The following LRP3 variants were observed in gnomAD, a reference collection of about 807,000 sequenced individuals.
The protein encoded by LRP3 is LDL receptor related protein 3.
In LRP3, 49 loss-of-function variants were observed where a neutral mutation model predicts 58.5. The observed-to-expected ratio is 0.84, with a 90% confidence interval of 0.67 to 1.06. LRP3 has a LOEUF of 1.06. Among genes scored for constraint, LRP3 ranks in the 50% least tolerant of loss-of-function variants. LRP3 has a pLI of 0.00. For missense variants in LRP3, 1,019 were observed against 1,134.2 expected (o/e 0.90, Z 1.46); for synonymous variants, 485 against 492.2 (o/e 0.99, Z 0.20).
rs777687602 is a variant in LRP3, at chr19:33,206,152, A to G, written c.1382A>G (p.His461Arg). 1.9e-6 allele frequency: 3 copies of G among 1,605,942 alleles called. No homozygotes were observed. Among genetic ancestry groups the G allele is most frequent in the East Asian group, 4.5e-5 (2 of 44,722 alleles). ...TTCTCCTGCCAGCCCGGCACCTTCCACTGCGGTACCAACCTGTGCATCTTC... is the reference window on the plus strand; with the variant it reads ...TTCTCCTGCCAGCCCGGCACCTTCCGCTGCGGTACCAACCTGTGCATCTTC... ...NCFSCQPGTF[H>R]CGTNLCIFET... Residue 461 changes from histidine to arginine, a missense_variant, in exon 5 of 7, where the codon CAC (histidine) becomes CGC (arginine). Physicochemically the swap from His to Arg is conservative, Grantham distance 29. Transcript: ENST00000253193.
chr19:33,208,801 G>GA lies in LRP3; in HGVS notation c.*1233dup, dbSNP rs1204562041. 4.5e-6 allele frequency: 7 copies of GA among 1,566,088 alleles called. No individual in the cohort carries two copies. The East Asian group carries it at 1.3e-4, about 30-fold the overall frequency. ...TCGTATCTTTTTTCTTTTTTTTCCA[G>GA]AAAAAAACAAAACAAAACTTTTTTG... On this transcript the variant is annotated 3_prime_UTR_variant, in exon 7 of 7. Coordinates refer to ENST00000253193, the MANE Select transcript of LRP3 (RefSeq NM_002333.4). The surrounding 1 kb of genome is among the most constrained non-coding windows in gnomAD (Gnocchi z 4.7).
intron 2 of LRP3, among the ~76,000 whole-genome samples, chr19:33,201,375 A>G (rs546429276): frequency 6.6e-6 from 1 of 152,168 alleles, no homozygotes; most frequent in South Asian, 2.1e-4. Flanking sequence ...CTCCAGGGCA[A>G]AGTCCCCTCC....
Position 33,204,803 on chromosome 19 carries a change from C to T in LRP3, c.426C>T (p.Asp142=), listed in dbSNP as rs757627358. ...RDHVWIFFHS[D]ASSSGQAQGF... is the part of the protein sequence containing the mutation. ...ATGTCTGGATTTTCTTCCACTCAGA[C>T]GCCTCCAGCTCCGGCCAGGCCCAGG... Residue 142 remains aspartate (D), a synonymous_variant, in exon 4 of 7, where the codon GAC becomes GAT. Coordinates refer to ENST00000253193, the MANE Select transcript of LRP3 (RefSeq NM_002333.4). 19 of 1,613,518 alleles carry T rather than the reference C, an allele frequency of 1.2e-5. No homozygotes were observed. The highest frequency in any genetic ancestry group is 6.7e-5 in the Admixed American group (4 of 60,006).
intron 4 of LRP3, 145 bp from the exon 5 acceptor site, chr19:33,205,101 A>T: frequency 1.1e-6 from 1 of 941,432 alleles, no homozygotes; most frequent in Non-Finnish European, 1.6e-6. Flanking sequence ...GGCTCAGGTC[A>T]GGGACAGAGC....
rs1340611015 is a variant in LRP3, at chr19:33,205,704, G to A, written c.934G>A (p.Glu312Lys). 9.3e-6 allele frequency: 15 copies of A among 1,604,680 alleles called. No homozygotes were observed. Among genetic ancestry groups the A allele is most frequent in the Non-Finnish European group, 1.3e-5 (15 of 1,178,896 alleles). ...LGYDDYVQVY[E>K]GLGERGDRLL... is the part of the protein sequence containing the mutation. ...CTATGACGACTACGTGCAGGTATACGAGGGCCTGGGCGAGCGCGGGGACCG... is the reference window on the plus strand; with the variant it reads ...CTATGACGACTACGTGCAGGTATACAAGGGCCTGGGCGAGCGCGGGGACCG... The change falls in exon 5 of 7, where the codon GAG becomes AAG. Residue 312 changes from glutamate (E) to lysine (K), a missense_variant. Coordinates refer to ENST00000253193, the MANE Select transcript of LRP3 (RefSeq NM_002333.4).
rs755444758 is a variant in LRP3, at chr19:33,205,645, G to A, written c.875G>A (p.Arg292Gln). Residue 292 changes from arginine (R) to glutamine (Q), a missense_variant, in exon 5 of 7, where the codon CGG becomes CAG. Physicochemically the swap from Arg to Gln is conservative, Grantham distance 43 (BLOSUM62 1). Coordinates refer to ENST00000253193, the MANE Select transcript of LRP3 (RefSeq NM_002333.4). The stretch of plus-strand genomic sequence containing the variant: ...TGGCTGGTGGACACACAGGACTCCC[G>A]GCGGGTGCTGCTGCAGCTGGAACTG... Reference protein sequence around the residue: ...CTWLVDTQDSRRVLLQLELRL... With the variant: ...CTWLVDTQDSQRVLLQLELRL... 23 of 1,610,090 alleles carry A rather than the reference G, an allele frequency of 1.4e-5. No individual in the cohort carries two copies. The highest frequency in any genetic ancestry group is 1.9e-5 in the Non-Finnish European group (22 of 1,179,434).
intron 3 of LRP3, chr19:33,204,064 T>C (rs1974372314): frequency 1.3e-5 from 2 of 153,882 alleles, no homozygotes; most frequent in Admixed American, 1.3e-4. Context: ...GTGATGGGCA[T>C]GGGCAGGGTC....
rs138826277 is a variant in LRP3, at chr19:33,208,743, A to T, written c.*1168A>T. The T allele has an allele frequency of 1.2e-3, 1,177 of 999,010 alleles. 13 individuals carry two copies. In the African/African-American group the frequency reaches 0.022, roughly 18 times the overall value. 61.9% of individuals were successfully genotyped at this position (999,010 alleles called of 1,614,324 possible). On this transcript the variant is annotated 3_prime_UTR_variant, in exon 7 of 7. Coordinates refer to ENST00000253193, the MANE Select transcript of LRP3 (RefSeq NM_002333.4). The surrounding 1 kb of genome is among the most constrained non-coding windows in gnomAD (Gnocchi z 4.7). ...TGCTAAGACAGGAAACCCAGTCCAC[A>T]TTTTAGGGCTTCCTTAAACAGGCTT...
rs1186946000 is a variant in LRP3, at chr19:33,207,316, C to T, written c.2054C>T (p.Pro685Leu). 7.6e-6 allele frequency: 12 copies of T among 1,572,226 alleles called. No homozygotes were observed. The highest frequency in any genetic ancestry group is 1.1e-5 in the South Asian group (1 of 86,998). The change falls in exon 7 of 7, where the codon CCC becomes CTC. Residue 685 changes from proline to leucine, a missense_variant. This residue lies in a region of LRP3 where 427 missense variants were observed against 408.6 expected (regional missense o/e 1.04). Coordinates refer to ENST00000253193, the MANE Select transcript of LRP3 (RefSeq NM_002333.4). ...PEVGPSGPPL[P>L]SGLRDPECRP... ...GTGGGACCTTCAGGGCCACCCTTGC[C>T]CTCGGGCCTGCGAGACCCAGAGTGC...
In LRP3 at chr19:33,194,832, G is replaced by T. The variant is rs1178475812; in HGVS notation, c.47G>T (p.Arg16Leu). ...AAGLEGAPGA[R>L]AQLAVVCLVN... ...GGGCTGGAGGGCGCGCCGGGCGCCCGGGCGCAGCTGGCCGTCGTCTGTCTG... is the reference window on the plus strand; with the variant it reads ...GGGCTGGAGGGCGCGCCGGGCGCCCTGGCGCAGCTGGCCGTCGTCTGTCTG... The change falls in exon 1 of 7, where the codon CGG becomes CTG. Residue 16 changes from arginine to leucine, a missense_variant. Coordinates refer to ENST00000253193, the MANE Select transcript of LRP3 (RefSeq NM_002333.4). The T allele has an allele frequency of 1.9e-6, 2 of 1,063,458 alleles. No individual in the cohort carries two copies. The highest frequency in any genetic ancestry group is 1.7e-5 in the African/African-American group (1 of 58,388). The allele number at this position is 1,063,458 out of a possible 1,614,324, so 65.9% of individuals were successfully genotyped here. A position where few individuals can be genotyped will look rare whatever the true frequency, so the allele number is the denominator to read the frequency against.
At chr19:33,194,926 G>A (rs1193977240) in intron 1 of LRP3, 68 bp downstream of exon 1, 2 of 854,878 alleles carry the variant, frequency 2.3e-6, no homozygotes, top group Non-Finnish European at 1.5e-6. Flanking sequence ...CGCCCTGACC[G>A]ACCTCCTCTC....
At chr19:33,203,113 G>A (rs1974359458) in intron 3 of LRP3, 127 bp downstream of exon 3, 1 of 1,166,024 alleles carries the variant, frequency 8.6e-7, no homozygotes, top group Non-Finnish European at 1.2e-6. Context: ...GTGAGCAGGT[G>A]TGGGATCATG....
rs140475298 is a variant in LRP3, at chr19:33,208,819, C to T, written c.*1244C>T. On this transcript the variant is annotated 3_prime_UTR_variant, in exon 7 of 7. Coordinates refer to ENST00000253193, the MANE Select transcript of LRP3 (RefSeq NM_002333.4). This position sits in a 1 kb window ranked among gnomAD's most constrained non-coding sequence, Gnocchi z 4.7. The stretch of plus-strand genomic sequence containing the variant: ...TTTTCCAGAAAAAAACAAAACAAAA[C>T]TTTTTTGCCAAAACACCTCCTCAAT... The T allele has an allele frequency of 8.6e-4, 1,361 of 1,574,584 alleles. 8 individuals carry two copies. The African/African-American group carries it at 0.016, about 18-fold the overall frequency.
At chr19:33,206,506 G>C in intron 5 of LRP3, 95 bp from the exon 6 acceptor site, 6 of 1,588,676 alleles carry the variant, frequency 3.8e-6, no homozygotes, top group Non-Finnish European at 4.3e-6. Flanking sequence ...ATATCTTGGG[G>C]TGTCTGGGTG....
chr19:33,208,808 AC>A lies in LRP3; in HGVS notation c.*1234del, dbSNP rs1197334613. On this transcript the variant is annotated 3_prime_UTR_variant, in exon 7 of 7. Transcript: ENST00000253193. This position sits in a 1 kb window ranked among gnomAD's most constrained non-coding sequence, Gnocchi z 4.7. ...TTTTTTCTTTTTTTTCCAGAAAAAA[AC>A]AAAACAAAACTTTTTTGCCAAAACA... The A allele has an allele frequency of 1.7e-5, 27 of 1,590,308 alleles. No homozygotes were observed. In the African/African-American group the frequency reaches 3.1e-4, roughly 18 times the overall value.
Position 33,199,350 on chromosome 19 carries a change from T to C in LRP3, c.121+2573T>C, listed in dbSNP as rs565663159. The stretch of plus-strand genomic sequence containing the variant: ...TAGGCTGGGCATGGTGGGGCACACC[T>C]GTAGTCTCAGCACTTTGGGAGGCTG... On this transcript the variant is annotated intron_variant, in intron 2 of 6. Transcript: ENST00000253193. 2.6e-5 allele frequency among the ~76,000 whole-genome samples: 4 copies of C among 152,094 alleles called. No individual in the cohort carries two copies. In the South Asian group the frequency reaches 6.2e-4, roughly 24 times the overall value.
rs142226273 is a variant in LRP3, at chr19:33,205,456, C to T, written c.686C>T (p.Pro229Leu). 3,068 of 1,586,130 alleles carry T rather than the reference C, an allele frequency of 1.9e-3. No homozygotes were observed. Among genetic ancestry groups the T allele is most frequent in the Non-Finnish European group, 2.3e-3 (2,681 of 1,168,024 alleles). ...CSGARSTRCLPVERRCDGLQD... is the reference protein window; with the variant it reads ...CSGARSTRCLLVERRCDGLQD... ...GGGGCGCGCTCCACGCGCTGCCTGC[C>T]TGTGGAGCGGCGCTGTGACGGCTTG... Residue 229 changes from proline (P) to leucine (L), a missense_variant, in exon 5 of 7, where the codon CCT (proline) becomes CTT (leucine). Physicochemically the swap from Pro to Leu is moderately conservative, Grantham distance 98. Transcript: ENST00000253193.
rs374936623 is a variant in LRP3 at position 33,206,263 on chromosome 19, T to C, written c.1493T>C (p.Ile498Thr). ...CTGGCCGCCGTGCCCCGCAAGGTCATCACGGCGGCGCTCATTGGCAGCCTG... is the reference window on the plus strand; with the variant it reads ...CTGGCCGCCGTGCCCCGCAAGGTCACCACGGCGGCGCTCATTGGCAGCCTG... Reference protein sequence around the residue: ...GCLAAVPRKVITAALIGSLVC... With the variant: ...GCLAAVPRKVTTAALIGSLVC... Residue 498 changes from isoleucine (I) to threonine (T), a missense_variant, in exon 5 of 7, where the codon ATC becomes ACC. By Grantham distance (89) the Ile-to-Thr change is moderately conservative. This residue lies in a region of LRP3 where 427 missense variants were observed against 408.6 expected (regional missense o/e 1.04). Transcript: ENST00000253193. The C allele has an allele frequency of 8.1e-6, 13 of 1,598,394 alleles. No individual in the cohort carries two copies. Among genetic ancestry groups the C allele is most frequent in the Non-Finnish European group, 1.1e-5 (13 of 1,172,594 alleles).
chr19:33,204,698 C>T lies in LRP3; in HGVS notation c.321C>T (p.Gly107=), dbSNP rs1974380282. 1.2e-6 allele frequency: 2 copies of T among 1,609,480 alleles called. No homozygotes were observed. The highest frequency in any genetic ancestry group is 1.1e-5 in the South Asian group (1 of 91,074). Residue 107 remains glycine, a synonymous_variant, in exon 4 of 7, where the codon GGC becomes GGT. Transcript: ENST00000253193. The part of the protein sequence containing the change: ...HQCSLDWLLL[G]PAAPPRQEAF... ...GCTCCCTGGACTGGCTCCTGCTGGG[C>T]CCAGCAGCCCCACCCCGCCAGGAGG...
Sources: allele counts gnomAD v4.1 joint callset (sites outside exome capture counted in the v4.1 genomes callset), GRCh38; gene constraint gnomAD v4.1.1; regional missense constraint gnomAD v4.1.1; non-coding constraint Gnocchi (gnomAD v3.1); transcripts MANE v1.5; gene names NCBI Gene and HGNC (gene_info 2026-07-23, HGNC 2026-07-21).